Variants in ERC2 observed in about 807,000 individuals in gnomAD.
ERC2 encodes the protein ERC protein 2.
In ERC2, 42 loss-of-function variants were observed where a neutral mutation model predicts 114.8. The observed-to-expected ratio is 0.37, with a 90% CI of 0.29 to 0.47. The LOEUF (loss-of-function observed/expected upper bound fraction) is 0.47. Ranked by LOEUF, ERC2 falls within the 20% of genes least tolerant of loss-of-function variation. The pLI is 0.99. For synonymous variants in ERC2, 454 were observed against 425.5 expected, an observed-to-expected ratio of 1.07 and a Z score of -0.82; for missense variants, 939 against 1,150.7, an observed-to-expected ratio of 0.82 and a Z score of 2.66.
intron 2 of ERC2, among the ~76,000 whole-genome samples, chr3:56,313,636 A>C (rs2056727976): frequency 6.6e-6 from 1 of 152,218 alleles, no homozygotes; most frequent in Non-Finnish European, 1.5e-5. Context: ...AGTACGCAGC[A>C]TGAATCTCTG....
chr3:56,116,302 A>G (rs1446694035), intron 6 of ERC2, among the ~76,000 whole-genome samples: 1 of 152,186 alleles, frequency 6.6e-6, no homozygotes, highest in East Asian at 1.9e-4. Context: ...AATATTTATG[A>G]CCAAGGGTTT....
intron 14 of ERC2, among the ~76,000 whole-genome samples, chr3:55,815,964 G>C (rs1441132602): frequency 1.3e-5 from 2 of 152,160 alleles, no homozygotes; most frequent in Admixed American, 6.5e-5. Context: ...CTTCTTAGAG[G>C]GTAGGCAGCT....
chr3:55,832,983 C>T (rs1307005349), intron 14 of ERC2, among the ~76,000 whole-genome samples: 3 of 151,490 alleles, frequency 2.0e-5, no homozygotes, highest in African/African-American at 7.3e-5. Flanking sequence ...GGAGCCAATG[C>T]GATCAACTGG....
intron 14 of ERC2, among the ~76,000 whole-genome samples, chr3:55,779,283 A>G (rs1230491977): frequency 6.8e-6 from 1 of 148,000 alleles, no homozygotes; most frequent in Non-Finnish European, 1.5e-5. Context: ...GGAGTTCAAA[A>G]CCAGCCTGGC....
chr3:55,904,291 A>AAC (rs140373748), intron 13 of ERC2, among the ~76,000 whole-genome samples: 15 of 152,170 alleles, frequency 9.9e-5, no homozygotes, highest in South Asian at 2.1e-4. Flanking sequence ...AAATAGAATA[A>AAC]ACACACACAC....
chr3:55,541,902 G>A (rs2107346520), intron 17 of ERC2, among the ~76,000 whole-genome samples: 1 of 152,280 alleles, frequency 6.6e-6, no homozygotes, highest in South Asian at 2.1e-4. Flanking sequence ...ACATATTAAG[G>A]CAAGTTGCTA....
chr3:56,379,050 A>G (rs2106693689), intron 2 of ERC2, among the ~76,000 whole-genome samples: 2 of 152,364 alleles, frequency 1.3e-5, no homozygotes, highest in East Asian at 3.9e-4. Context: ...CATGTAATGA[A>G]TATTAAAAAT....
chr3:55,692,451 C>T (rs1190587908), intron 16 of ERC2, among the ~76,000 whole-genome samples: 1 of 152,162 alleles, frequency 6.6e-6, no homozygotes, highest in Non-Finnish European at 1.5e-5. Context: ...GCCACAACAT[C>T]GATGAGGACA....
intron 17 of ERC2, among the ~76,000 whole-genome samples, chr3:55,542,620 G>A (rs1182832515): frequency 1.3e-5 from 2 of 152,174 alleles, no homozygotes; most frequent in African/African-American, 4.8e-5. Flanking sequence ...CAGAAAAAAG[G>A]AATATGAAAA....
chr3:55,714,762 T>C lies in ERC2; in HGVS notation c.2713-15250A>G, dbSNP rs564656131. On this transcript the variant is annotated intron_variant, in intron 15 of 17. Transcript: ENST00000288221. The stretch of plus-strand genomic sequence containing the variant: ...CCAACCATTTATAATTATTGCTGGG[T>C]ATTTGGATTTTAGGGAATTAATTTT... Among the ~76,000 whole-genome samples the C allele has an allele frequency of 1.2e-3, 172 of 147,610 alleles. 1 individual carries two copies. Among genetic ancestry groups the C allele is most frequent in the African/African-American group, 4.0e-3 (160 of 40,500 alleles).
intron 2 of ERC2, among the ~76,000 whole-genome samples, chr3:56,372,507 C>T (rs1317750): frequency 0.033 from 5,068 of 152,152 alleles, 180 homozygotes; most frequent in African/African-American, 0.081. Flanking sequence ...GCAGGCAGAT[C>T]GCTTGAGCCC....
At chr3:56,345,977 C>T (rs1241170791) in intron 2 of ERC2, among the ~76,000 whole-genome samples, 1 of 151,116 alleles carries the variant, frequency 6.6e-6, no homozygotes, top group Non-Finnish European at 1.5e-5. Context: ...ACTGTATTTA[C>T]ATTTCAGAGA....
At chr3:56,176,914 C>T (rs1030091811) in intron 3 of ERC2, among the ~76,000 whole-genome samples, 12 of 152,226 alleles carry the variant, frequency 7.9e-5, no homozygotes, top group Admixed American at 2.0e-4. Context: ...ATGAGCAACG[C>T]GATCAACTTT....
In ERC2 at chr3:56,434,811, T is replaced by C; in HGVS notation, c.197A>G (p.Asp66Gly). 1 of 1,613,934 alleles carries C rather than the reference T, an allele frequency of 6.2e-7. No homozygotes were observed. The highest frequency in any genetic ancestry group is 8.5e-7 in the Non-Finnish European group (1 of 1,179,884). ...GGTTGTTGAAGCCACCCCTTCATGA[T>C]CACTCAGATACATGGGTCCAGACGT... Reference protein sequence around the residue: ...YATSGPMYLSDHEGVASTTYP... With the variant: ...YATSGPMYLSGHEGVASTTYP... Residue 66 changes from aspartate (D) to glycine (G), a missense_variant, in exon 2 of 18, where the codon GAT becomes GGT. Around this residue, in one of 5 missense-constraint regions of ERC2, gnomAD observed 281 missense variants for 307.4 expected, o/e 0.91. Transcript: ENST00000288221.
chr3:55,761,016 T>G (rs2067394854), intron 14 of ERC2, among the ~76,000 whole-genome samples: 1 of 152,200 alleles, frequency 6.6e-6, no homozygotes. Context: ...GATGTCCTCT[T>G]AAGCATCACC....
At chr3:56,107,909 A>T (rs1285939911) in intron 6 of ERC2, among the ~76,000 whole-genome samples, 1 of 152,184 alleles carries the variant, frequency 6.6e-6, no homozygotes, top group Non-Finnish European at 1.5e-5. Context: ...AAAAATTGTT[A>T]ATTGATGCTG....
At chr3:56,117,146 C>G (rs977692868) in intron 6 of ERC2, among the ~76,000 whole-genome samples, 1 of 152,310 alleles carries the variant, frequency 6.6e-6, no homozygotes, top group East Asian at 1.9e-4. Context: ...CCTTCCTGAG[C>G]TACATACTGC....
intron 3 of ERC2, among the ~76,000 whole-genome samples, chr3:56,227,484 A>G (rs1203925779): frequency 6.6e-6 from 1 of 150,852 alleles, no homozygotes; most frequent in African/African-American, 2.4e-5. Flanking sequence ...GGCATACCCC[A>G]GGTTTACTGG....
At chr3:55,659,931 T>C (rs1394436488) in intron 17 of ERC2, among the ~76,000 whole-genome samples, 73 of 152,038 alleles carry the variant, frequency 4.8e-4, no homozygotes, top group Admixed American at 4.8e-3. Flanking sequence ...GCTCTAGGCA[T>C]CTAGTGCCTC....
Sources: allele counts gnomAD v4.1 joint callset (sites outside exome capture counted in the v4.1 genomes callset), GRCh38; gene constraint gnomAD v4.1.1; regional missense constraint gnomAD v4.1.1; transcripts MANE v1.5; gene names NCBI Gene and HGNC (gene_info 2026-07-23, HGNC 2026-07-21).